PRKRA: variants seen among roughly 807,000 people sequenced by gnomAD.
PRKRA encodes interferon-inducible double-stranded RNA-dependent protein kinase activator A.
Under a neutral mutation model 32.4 loss-of-function variants are expected in PRKRA, and 22 were observed. The observed-to-expected ratio is 0.68, with a 90% CI of 0.49 to 0.97. The LOEUF (loss-of-function observed/expected upper bound fraction) is 0.97, where lower values mean the gene tolerates loss of function less well. PRKRA is among the 50% of genes least tolerant of loss of function. The pLI, the probability that PRKRA is intolerant of heterozygous loss-of-function variation, is 0.00. For missense variants in PRKRA, 319 were observed against 375.6 expected, an observed-to-expected ratio of 0.85 and a Z score of 1.25; for synonymous variants, 139 against 129.8, an observed-to-expected ratio of 1.07 and a Z score of -0.48.
chr2:178,440,340 TC>T (rs1294227289), intron 6 of PRKRA: 1 of 152,206 alleles, frequency 6.6e-6, no homozygotes, highest in Non-Finnish European at 1.5e-5. Context: ...CTTTTTTATT[TC>T]CCACCTAATA....
chr2:178,432,297 T>C, intron 7 of PRKRA, 43 bp from the exon 8 acceptor site: 1 of 1,612,082 alleles, frequency 6.2e-7, no homozygotes, highest in Non-Finnish European at 8.5e-7. Flanking sequence ...GTCCAATATG[T>C]ATAAAGTGGA....
chr2:178,435,883 C>T (rs1696871499), intron 7 of PRKRA, among the ~76,000 whole-genome samples: 1 of 152,184 alleles, frequency 6.6e-6, no homozygotes. Flanking sequence ...AATCTTAGAA[C>T]AGTGTCTGGC....
At chr2:178,433,378 C>T (rs1696749104) in intron 7 of PRKRA, 1 of 152,078 alleles carries the variant, frequency 6.6e-6, no homozygotes, top group African/African-American at 2.4e-5. Flanking sequence ...ATTTATACTC[C>T]TAGGAGTGGA....
At position 178,444,485 on chromosome 2, in the gene PRKRA, G is replaced by A. The variant is rs1398943863; in HGVS notation, c.333C>T (p.Asp111=). The part of the protein sequence containing the change: ...ANASICFAVP[D]PLMPDPSKQP... ...GCTTGGAAGGGTCAGGCATTAAGGG[G>A]TCAGGAACTGCAAAGCTAAATATTT... The change falls in exon 4 of 8, where the codon GAC becomes GAT. Residue 111 remains aspartate, a synonymous_variant. Coordinates refer to ENST00000325748, the MANE Select transcript of PRKRA (RefSeq NM_003690.5). 2 of 1,601,860 alleles carry A rather than the reference G, an allele frequency of 1.2e-6. No homozygotes were observed. The highest frequency in any genetic ancestry group is 1.7e-6 in the Non-Finnish European group (2 of 1,169,064).
At chr2:178,438,012 A>G (rs1696970119) in intron 6 of PRKRA, among the ~76,000 whole-genome samples, 2 of 152,178 alleles carry the variant, frequency 1.3e-5, no homozygotes, top group African/African-American at 2.4e-5. Context: ...AGATGTGTAC[A>G]AAAGAGCTTT....
Position 178,431,919 on chromosome 2 carries a change from A to C in PRKRA, c.*178T>G, listed in dbSNP as rs1055160907. On this transcript the variant is annotated 3_prime_UTR_variant, in exon 8 of 8. Coordinates refer to ENST00000325748, the MANE Select transcript of PRKRA (RefSeq NM_003690.5). ...ATACAGTATACTGATACAAAGTTGA[A>C]GCCATTAAAAAGAGCTTAATAACAA... 3.9e-6 allele frequency: 3 copies of C among 760,994 alleles called. No individual in the cohort carries two copies. The highest frequency in any genetic ancestry group is 6.3e-6 in the Non-Finnish European group (3 of 472,550). The allele number at this position is 760,994 out of a possible 1,614,324, so 47.1% of individuals were successfully genotyped here.
chr2:178,438,834 AGGCCC>A (rs1697008667), intron 6 of PRKRA: 1 of 151,924 alleles, frequency 6.6e-6, no homozygotes, highest in East Asian at 1.9e-4. Context: ...GCACGCCACC[AGGCCC>A]GGCTAATTTT....
intron 1 of PRKRA, 86 bp from the exon 2 acceptor site, chr2:178,450,497 C>T (rs1219409637): frequency 3.6e-6 from 5 of 1,379,186 alleles, no homozygotes; most frequent in African/African-American, 1.6e-5. Flanking sequence ...CCGCCACCGA[C>T]GGTGACGAGG....
At position 178,450,429 on chromosome 2, in the gene PRKRA, A is replaced by T; in HGVS notation, c.66-18T>A. 3 of 838,924 alleles carry T rather than the reference A, an allele frequency of 3.6e-6. No individual in the cohort carries two copies. Among genetic ancestry groups the T allele is most frequent in the Non-Finnish European group, 5.0e-6 (3 of 597,108 alleles). The allele number at this position is 838,924 out of a possible 1,614,324, so 52.0% of individuals were successfully genotyped here. On this transcript the variant is annotated intron_variant, in intron 1 of 7. Coordinates refer to ENST00000325748, the MANE Select transcript of PRKRA (RefSeq NM_003690.5). ...TCCCCAAACTGCAAAAACCACAAAA[A>T]GGTGTGCTTTGCATGCCAAATTGGA...
chr2:178,448,069 T>A (rs1051663074), intron 2 of PRKRA, among the ~76,000 whole-genome samples: 1 of 152,246 alleles, frequency 6.6e-6, no homozygotes, highest in African/African-American at 2.4e-5. Context: ...GCCTGTCCTA[T>A]AACGTATCAA....
chr2:178,441,682 T>G lies in PRKRA; in HGVS notation c.537A>C (p.Gln179His), dbSNP rs1697119581. Residue 179 changes from glutamine to histidine, a missense_variant, in exon 6 of 8, where the codon CAA becomes CAC. Physicochemically the swap from Gln to His is conservative, Grantham distance 24 (BLOSUM62 0). Transcript: ENST00000325748. ...ATTTCTCAGCAGCATTCCTTTTGGC[T>G]TGCTTTTTTGATGCCCCCTTTCCTG... is the stretch of plus-strand genomic sequence containing the variant. ...METGKGASKK[Q>H]AKRNAAEKFL... is the part of the protein sequence containing the mutation. The G allele has an allele frequency of 6.2e-7, 1 of 1,612,058 alleles. No homozygotes were observed. The highest frequency in any genetic ancestry group is 8.5e-7 in the Non-Finnish European group (1 of 1,178,252).
chr2:178,450,945 C>T (rs1049668611), intron 1 of PRKRA, 21 bp downstream of exon 1: 6 of 785,638 alleles, frequency 7.6e-6, no homozygotes, highest in Non-Finnish European at 1.1e-5. Context: ...GCCCTGGGGC[C>T]CTGACTGCCC....
In PRKRA at chr2:178,432,044, C is replaced by T; in HGVS notation, c.*53G>A. ...GGTAAAAGTTTTACTTGGGAAGGGG[C>T]CAGAGGGGAACTTTTTATGTGCTAC... On this transcript the variant is annotated 3_prime_UTR_variant, in exon 8 of 8. Transcript: ENST00000325748. 1.3e-6 allele frequency: 2 copies of T among 1,593,726 alleles called. No individual in the cohort carries two copies. Among genetic ancestry groups the T allele is most frequent in the South Asian group, 1.1e-5 (1 of 90,208 alleles).
intron 2 of PRKRA, 91 bp downstream of exon 2, chr2:178,450,151 T>A: frequency 7.9e-7 from 1 of 1,265,412 alleles, no homozygotes; most frequent in Non-Finnish European, 1.1e-6. Context: ...CACAGCTGTC[T>A]GGCAAAAAGA....
chr2:178,439,429 C>A (rs1697032468), intron 6 of PRKRA: 1 of 152,122 alleles, frequency 6.6e-6, no homozygotes, highest in Non-Finnish European at 1.5e-5. Flanking sequence ...TAACTCTGGG[C>A]AATATGGAAA....
chr2:178,448,046 T>C (rs1697389362), intron 2 of PRKRA, among the ~76,000 whole-genome samples: 1 of 152,224 alleles, frequency 6.6e-6, no homozygotes, highest in Non-Finnish European at 1.5e-5. Flanking sequence ...ATGTGCATAA[T>C]TTTATTCTGA....
chr2:178,437,753 C>A (rs1015279158), intron 6 of PRKRA, among the ~76,000 whole-genome samples: 1 of 152,208 alleles, frequency 6.6e-6, no homozygotes, highest in Admixed American at 6.5e-5. Context: ...TTTTGCCAAT[C>A]TAAAAGGTGA....
At chr2:178,437,501 C>T (rs1281499900) in intron 6 of PRKRA, among the ~76,000 whole-genome samples, 1 of 152,170 alleles carries the variant, frequency 6.6e-6, no homozygotes, top group African/African-American at 2.4e-5. Flanking sequence ...CAACTGTGAG[C>T]TTTAGGTTGT....
rs541455452 is a variant in PRKRA, at chr2:178,441,887, CT to C, written c.515-184del. 0.024 allele frequency among the ~76,000 whole-genome samples: 3,137 copies of C among 131,666 alleles called. 55 individuals are homozygous for C. Among genetic ancestry groups the C allele is most frequent in the African/African-American group, 0.07 (2,421 of 34,744 alleles). 86.4% of individuals were successfully genotyped at this position (131,666 alleles called of 152,430 possible). On this transcript the variant is annotated intron_variant, in intron 5 of 7. Coordinates refer to ENST00000325748, the MANE Select transcript of PRKRA (RefSeq NM_003690.5). The stretch of plus-strand genomic sequence containing the variant: ...TATTTTGTTTGTATAGCTATTAATT[CT>C]TTTTTTTTTTTTTTTTGAGACGGAC...
Sources: gnomAD v4.1 joint callset for allele counts (sites outside exome capture counted in the v4.1 genomes callset) on GRCh38, gnomAD v4.1.1 for gene constraint, MANE v1.5 for transcripts, NCBI Gene and HGNC (gene_info 2026-07-23, HGNC 2026-07-21) for gene names.